Variants in GTF2A1L observed in about 807,000 individuals in gnomAD.
GTF2A1L encodes the protein general transcription factor IIA subunit 1 like.
GTF2A1L carries 48 observed loss-of-function variants against 49.7 expected under a neutral mutation model. That is an observed-to-expected ratio of 0.97 (90% CI 0.77 to 1.23). GTF2A1L has a LOEUF of 1.23. GTF2A1L is among the 50% of genes most tolerant of loss of function. The pLI is 0.00. For synonymous variants in GTF2A1L, 246 were observed against 193.5 expected, an observed-to-expected ratio of 1.27 and a Z score of -2.25; for missense variants, 736 against 564.8, an observed-to-expected ratio of 1.30 and a Z score of -3.07.
chr2:48,633,993 A>C (rs889389531), intron 3 of GTF2A1L, among the ~76,000 whole-genome samples: 9 of 152,044 alleles, frequency 5.9e-5, no homozygotes, highest in African/African-American at 2.2e-4. Flanking sequence ...ATCACTCTTC[A>C]GCCCTTTATT....
At chr2:48,622,763 G>C (rs1184193727) in intron 3 of GTF2A1L, among the ~76,000 whole-genome samples, 3 of 151,890 alleles carry the variant, frequency 2.0e-5, no homozygotes, top group African/African-American at 7.2e-5. Context: ...GAACTTGGGA[G>C]GCAGAGGTTG....
chr2:48,669,116 C>T (rs1679032168), intron 6 of GTF2A1L, among the ~76,000 whole-genome samples: 1 of 152,170 alleles, frequency 6.6e-6, no homozygotes, highest in Non-Finnish European at 1.5e-5. Flanking sequence ...ACCATCCCCA[C>T]TCTGTATTTC....
chr2:48,651,277 T>A (rs1216634043), intron 6 of GTF2A1L, among the ~76,000 whole-genome samples: 1 of 152,154 alleles, frequency 6.6e-6, no homozygotes, highest in African/African-American at 2.4e-5. Flanking sequence ...ATTGTTGACA[T>A]TTCTTTCACG....
chr2:48,623,066 T>A (rs1435644733), intron 3 of GTF2A1L, among the ~76,000 whole-genome samples: 1 of 152,138 alleles, frequency 6.6e-6, no homozygotes, highest in Non-Finnish European at 1.5e-5. Flanking sequence ...TCTACATCAT[T>A]TATAATGAAG....
At chr2:48,640,310 G>C (rs900258119) in intron 3 of GTF2A1L, among the ~76,000 whole-genome samples, 2 of 152,150 alleles carry the variant, frequency 1.3e-5, no homozygotes, top group Admixed American at 6.5e-5. Context: ...ATCAGTGACT[G>C]ACTGGATAAA....
intron 3 of GTF2A1L, among the ~76,000 whole-genome samples, chr2:48,629,179 T>G (rs1676448154): frequency 7.1e-6 from 1 of 141,730 alleles, no homozygotes; most frequent in African/African-American, 2.5e-5. Flanking sequence ...AGGCAGAGGT[T>G]GCAGTGAGCC....
At chr2:48,632,814 G>A (rs1229672397) in intron 3 of GTF2A1L, 1 of 204,900 alleles carries the variant, frequency 4.9e-6, no homozygotes, top group Non-Finnish European at 9.7e-6. Context: ...AAGCAGTTGT[G>A]ATGACAGGTG....
At chr2:48,667,574 C>A (rs1678922596) in intron 6 of GTF2A1L, among the ~76,000 whole-genome samples, 1 of 152,068 alleles carries the variant, frequency 6.6e-6, no homozygotes, top group Non-Finnish European at 1.5e-5. Context: ...GTAATTTGGA[C>A]TTATTTTCAT....
chr2:48,653,753 C>G (rs868285145), intron 6 of GTF2A1L, among the ~76,000 whole-genome samples: 1 of 151,852 alleles, frequency 6.6e-6, no homozygotes, highest in African/African-American at 2.4e-5. Context: ...GCCAACATGG[C>G]AAAACCCCAT....
intron 6 of GTF2A1L, among the ~76,000 whole-genome samples, chr2:48,666,837 A>G (rs1302114307): frequency 6.6e-6 from 1 of 151,738 alleles, no homozygotes; most frequent in Non-Finnish European, 1.5e-5. Flanking sequence ...TTATTTGTTC[A>G]TGGATTTTTT....
chr2:48,632,185 A>G (rs1351117919), intron 3 of GTF2A1L: 1 of 152,104 alleles, frequency 6.6e-6, no homozygotes, highest in East Asian at 1.9e-4. Context: ...ATTCTTTTTT[A>G]TATTCCAGTC....
At chr2:48,627,355 A>T (rs750684905) in intron 3 of GTF2A1L, among the ~76,000 whole-genome samples, 1 of 144,072 alleles carries the variant, frequency 6.9e-6, no homozygotes, top group Non-Finnish European at 1.6e-5. Flanking sequence ...TATACCTTGC[A>T]CTTTGAATGG....
At chr2:48,618,164 TTTAGAGGTGGAACTGATCCTCAAC>T in intron 1 of GTF2A1L, 2 of 473,112 alleles carry the variant, frequency 4.2e-6, no homozygotes, top group Non-Finnish European at 7.5e-6. Context: ...AGTTGGGGTG[TTTAGAGGTGGAACTGATCCTCAAC>T]CCTGCTGGTT....
intron 7 of GTF2A1L, 146 bp downstream of exon 7, chr2:48,670,128 C>T: frequency 8.1e-7 from 1 of 1,242,122 alleles, no homozygotes; most frequent in Non-Finnish European, 1.1e-6. Flanking sequence ...CACGGTGGCT[C>T]ACACATGTAA....
Position 48,669,718 on chromosome 2 carries a change from T to G in GTF2A1L, c.979-4T>G. ...AACTTTATTGTATTTCTTTCTCTTT[T>G]TAGGATTCTAATTCTCAGGTGGATT... On this transcript the variant is annotated splice_region_variant and splice_polypyrimidine_tract_variant and intron_variant, in intron 6 of 8. Transcript: ENST00000403751. 6.2e-7 allele frequency: 1 copy of G among 1,602,834 alleles called. No individual in the cohort carries two copies. Among genetic ancestry groups the G allele is most frequent in the Non-Finnish European group, 8.5e-7 (1 of 1,172,938 alleles).
chr2:48,636,654 G>A (rs1676903936), intron 3 of GTF2A1L, among the ~76,000 whole-genome samples: 1 of 152,156 alleles, frequency 6.6e-6, no homozygotes, highest in South Asian at 2.1e-4. Flanking sequence ...TAAACACCCT[G>A]AAAATGGTCT....
chr2:48,648,432 T>C (rs1677658665), intron 6 of GTF2A1L, among the ~76,000 whole-genome samples: 1 of 152,114 alleles, frequency 6.6e-6, no homozygotes, highest in Non-Finnish European at 1.5e-5. Context: ...CTTATTCTAC[T>C]GTTATGTATT....
At chr2:48,635,361 G>T (rs1676828819) in intron 3 of GTF2A1L, among the ~76,000 whole-genome samples, 1 of 152,160 alleles carries the variant, frequency 6.6e-6, no homozygotes, top group Non-Finnish European at 1.5e-5. Flanking sequence ...TCTGCAGCAT[G>T]ATCTCTGTCC....
chr2:48,619,501 A>T (rs1040296116), intron 1 of GTF2A1L, among the ~76,000 whole-genome samples: 3 of 151,858 alleles, frequency 2.0e-5, no homozygotes, highest in Admixed American at 6.6e-5. Flanking sequence ...ATAATAAAAA[A>T]AAAGCACAGC....
Sources: gnomAD v4.1 joint callset for allele counts (sites outside exome capture counted in the v4.1 genomes callset) on GRCh38, gnomAD v4.1.1 for gene constraint, MANE v1.5 for transcripts, NCBI Gene and HGNC (gene_info 2026-07-23, HGNC 2026-07-21) for gene names.